Variants in ZNF423 observed in about 807,000 individuals in gnomAD.
The protein encoded by ZNF423 is zinc finger protein 423, also known as Ebf-associated zinc finger protein.
In ZNF423, 12 loss-of-function variants were observed where a neutral mutation model predicts 95.8. The observed-to-expected ratio is 0.13, with a 90% CI of 0.08 to 0.20. The LOEUF is 0.20. Among genes scored for constraint, ZNF423 ranks in the 10% least tolerant of loss-of-function variants. The pLI is 1.00. For synonymous variants in ZNF423, 749 were observed against 711.9 expected (o/e 1.05, Z -0.83); for missense variants, 1,316 against 1,737.1 (o/e 0.76, Z 4.31).
intron 5 of ZNF423, among the ~76,000 whole-genome samples, chr16:49,625,513 C>T: frequency 6.6e-6 from 1 of 152,308 alleles, no homozygotes; most frequent in East Asian, 1.9e-4. Context: ...CAGCCCCTTC[C>T]CTTAGAACCT....
intron 5 of ZNF423, among the ~76,000 whole-genome samples, chr16:49,621,180 G>A (rs1972066690): frequency 6.6e-6 from 1 of 152,200 alleles, no homozygotes; most frequent in Non-Finnish European, 1.5e-5. Context: ...CCCGGCAGGA[G>A]GCCACAGCAC....
intron 3 of ZNF423, among the ~76,000 whole-genome samples, chr16:49,702,408 G>GC (rs2032211353): frequency 6.6e-6 from 1 of 152,186 alleles, no homozygotes; most frequent in South Asian, 2.1e-4. Context: ...CCCCATCCTC[G>GC]CCTTTGGAAG....
At position 49,603,106 on chromosome 16, in the gene ZNF423, C is replaced by T. The variant is rs1971428523; in HGVS notation, c.3601+23064G>A. Among the ~76,000 whole-genome samples, 1 of 152,188 alleles carries T rather than the reference C, an allele frequency of 6.6e-6. No individual in the cohort carries two copies. Among genetic ancestry groups the T allele is most frequent in the South Asian group, 2.1e-4 (1 of 4,836 alleles). On this transcript the variant is annotated intron_variant, in intron 5 of 7. Coordinates refer to ENST00000563137, the MANE Select transcript of ZNF423 (RefSeq NM_001379286.1). This position sits in a 1 kb window ranked among gnomAD's most constrained non-coding sequence, Gnocchi z 4.1. ...AGAAAAGGGTCTGGATGGGAGGATA[C>T]CAGCCCATCACCAAGCAGCCTCTCT...
chr16:49,685,956 C>T (rs1037170444), intron 3 of ZNF423, among the ~76,000 whole-genome samples: 1 of 152,210 alleles, frequency 6.6e-6, no homozygotes, highest in Non-Finnish European at 1.5e-5. Flanking sequence ...TCAAACCTTC[C>T]GTCTGGATGG....
intron 4 of ZNF423, among the ~76,000 whole-genome samples, chr16:49,632,011 G>C (rs1033219821): frequency 3.3e-5 from 5 of 152,134 alleles, no homozygotes; most frequent in African/African-American, 7.2e-5. Context: ...AGTGGGATCT[G>C]GATAGGCCCT....
chr16:49,714,625 G>GA (rs113583035), intron 3 of ZNF423, among the ~76,000 whole-genome samples: 23,101 of 138,450 alleles, frequency 0.17, 2,147 homozygotes, highest in South Asian at 0.3. Flanking sequence ...CAGCCTGGGA[G>GA]AAAAAAAAAA....
chr16:49,569,799 G>C (rs1300623643), intron 5 of ZNF423, among the ~76,000 whole-genome samples: 1 of 152,166 alleles, frequency 6.6e-6, no homozygotes, highest in Non-Finnish European at 1.5e-5. Context: ...GACATGTATT[G>C]GGAGTTTTAC....
At chr16:49,748,401 G>A (rs192875155) in intron 2 of ZNF423, among the ~76,000 whole-genome samples, 1 of 152,344 alleles carries the variant, frequency 6.6e-6, no homozygotes, top group East Asian at 1.9e-4. Flanking sequence ...GGTATGCTGA[G>A]ATTGTGAGTC....
chr16:49,610,594 A>C (rs1971692654), intron 5 of ZNF423, among the ~76,000 whole-genome samples: 1 of 152,140 alleles, frequency 6.6e-6, no homozygotes, highest in Admixed American at 6.5e-5. Context: ...CAAGTAAGTC[A>C]CAGAAAGGAA....
intron 5 of ZNF423, among the ~76,000 whole-genome samples, chr16:49,592,867 C>G (rs1205171225): frequency 6.6e-6 from 1 of 152,200 alleles, no homozygotes; most frequent in Non-Finnish European, 1.5e-5. Context: ...CTGCGATGCC[C>G]AGATTCACAG....
Position 49,651,733 on chromosome 16 carries a change from T to C in ZNF423, c.302-12859A>G, listed in dbSNP as rs149064701. ...TGTAAGGCGTTATATATGACAAATG[T>C]TCTATAATGCCTAAAATAGTCACTG... On this transcript the variant is annotated intron_variant, in intron 3 of 7. Coordinates refer to ENST00000563137, the MANE Select transcript of ZNF423 (RefSeq NM_001379286.1). 4.6e-3 allele frequency among the ~76,000 whole-genome samples: 702 copies of C among 152,278 alleles called. 3 individuals carry two copies. The highest frequency in any genetic ancestry group is 0.016 in the African/African-American group (681 of 41,540).
chr16:49,799,299 A>G (rs1375819764), intron 1 of ZNF423, among the ~76,000 whole-genome samples: 1 of 152,178 alleles, frequency 6.6e-6, no homozygotes, highest in African/African-American at 2.4e-5. Flanking sequence ...GGATAATTCA[A>G]GCTCCCCTTC....
intron 5 of ZNF423, among the ~76,000 whole-genome samples, chr16:49,528,087 G>A (rs930408017): frequency 1.2e-4 from 19 of 152,160 alleles, no homozygotes; most frequent in Non-Finnish European, 2.1e-4. Context: ...CCCAGCTAGG[G>A]GCTCTGGGGG....
intron 1 of ZNF423, among the ~76,000 whole-genome samples, chr16:49,816,444 G>A (rs1489627874): frequency 6.6e-6 from 1 of 152,108 alleles, no homozygotes; most frequent in Non-Finnish European, 1.5e-5. Context: ...TCCACCATTA[G>A]CTACTAATTC....
chr16:49,552,113 G>A (rs1969662672), intron 5 of ZNF423, among the ~76,000 whole-genome samples: 1 of 152,248 alleles, frequency 6.6e-6, no homozygotes, highest in Admixed American at 6.5e-5. Flanking sequence ...TGGAAGGGGT[G>A]TGGGCTCTCT....
intron 5 of ZNF423, among the ~76,000 whole-genome samples, chr16:49,526,417 G>A (rs1290859451): frequency 1.3e-5 from 2 of 152,072 alleles, no homozygotes; most frequent in African/African-American, 2.4e-5. Flanking sequence ...CAAAGGCGCC[G>A]GGGGACACAG....
chr16:49,541,605 A>C (rs2151738105), intron 5 of ZNF423, among the ~76,000 whole-genome samples: 1 of 152,272 alleles, frequency 6.6e-6, no homozygotes, highest in South Asian at 2.1e-4. Context: ...GAACATGTAT[A>C]GCCTTTGTAA....
intron 2 of ZNF423, among the ~76,000 whole-genome samples, chr16:49,773,395 C>T (rs537171688): frequency 7.8e-4 from 118 of 152,172 alleles, no homozygotes; most frequent in Admixed American, 1.4e-3. Flanking sequence ...GAGAACAGCA[C>T]GGGGGAGACT....
intron 7 of ZNF423, among the ~76,000 whole-genome samples, chr16:49,515,534 C>A (rs1484330639): frequency 1.3e-5 from 2 of 152,220 alleles, no homozygotes; most frequent in African/African-American, 2.4e-5. Context: ...CTTCTCAGAG[C>A]CTCAGTTTCT....
Sources: allele counts gnomAD v4.1 joint callset (sites outside exome capture counted in the v4.1 genomes callset), GRCh38; gene constraint gnomAD v4.1.1; non-coding constraint Gnocchi (gnomAD v3.1); transcripts MANE v1.5; gene names NCBI Gene and HGNC (gene_info 2026-07-23, HGNC 2026-07-21).